DSC2: variants seen among roughly 807,000 people sequenced by gnomAD.
DSC2 encodes the protein desmocollin-2.
Under a neutral mutation model 87.6 loss-of-function variants are expected in DSC2, and 51 were observed. That is an observed-to-expected ratio of 0.58 (90% CI 0.46 to 0.74). The LOEUF (loss-of-function observed/expected upper bound fraction) is 0.74, where lower values mean the gene tolerates loss of function less well. Among genes scored for constraint, DSC2 ranks in the 30% least tolerant of loss-of-function variants. DSC2 has a pLI of 0.00. For synonymous variants in DSC2, 383 were observed against 393.2 expected (o/e 0.97, Z 0.31); for missense variants, 1,066 against 1,089.5 (o/e 0.98, Z 0.30).
At chr18:31,094,695 T>C (rs1361933491) in intron 1 of DSC2, among the ~76,000 whole-genome samples, 2 of 152,348 alleles carry the variant, frequency 1.3e-5, no homozygotes, top group African/African-American at 4.8e-5. Context: ...TTTTAATATA[T>C]ATTAAAGACT....
At chr18:31,087,120 G>C (rs1987425810) in intron 6 of DSC2, among the ~76,000 whole-genome samples, 1 of 152,122 alleles carries the variant, frequency 6.6e-6, no homozygotes, top group African/African-American at 2.4e-5. Context: ...GGTTCACTTA[G>C]ACATTTCTAG....
In DSC2 at chr18:31,093,471, T is replaced by C. The variant is rs939801219; in HGVS notation, c.154+88A>G. The C allele has an allele frequency of 5.0e-6, 5 of 997,974 alleles. No homozygotes were observed. The African/African-American group carries it at 8.1e-5, about 16-fold the overall frequency. 61.8% of individuals were successfully genotyped at this position (997,974 alleles called of 1,614,324 possible). A position where few individuals can be genotyped will look rare whatever the true frequency, so the allele number is the denominator to read the frequency against. ...CACATCCCTTCCAAGGGACAAGATC[T>C]CGTTCCTTTTTATGGCTGTGTAGTA... On this transcript the variant is annotated intron_variant, in intron 2 of 15. Coordinates refer to ENST00000280904, the MANE Select transcript of DSC2 (RefSeq NM_024422.6).
intron 5 of DSC2, among the ~76,000 whole-genome samples, chr18:31,088,703 G>A (rs180737452): frequency 1.3e-5 from 2 of 152,170 alleles, no homozygotes; most frequent in Admixed American, 1.3e-4. Context: ...ATGATTAAAG[G>A]ACTGAGTAAG....
chr18:31,091,990 C>T (rs1252749466), intron 3 of DSC2, 111 bp downstream of exon 3: 18 of 1,141,752 alleles, frequency 1.6e-5, no homozygotes, highest in East Asian at 2.5e-5. Context: ...GGTTTTCATT[C>T]GTCTTTAAGC....
intron 2 of DSC2, among the ~76,000 whole-genome samples, chr18:31,092,589 C>A (rs1262923729): frequency 2.0e-5 from 3 of 152,078 alleles, no homozygotes; most frequent in African/African-American, 4.8e-5. Context: ...CAATTTTTTT[C>A]TTTATCAACA....
chr18:31,069,060 T>C lies in DSC2; in HGVS notation c.2342A>G (p.Gln781Arg), dbSNP rs1244664122. 6.2e-7 allele frequency: 1 copy of C among 1,614,068 alleles called. No individual in the cohort carries two copies. Residue 781 changes from glutamine to arginine, a missense_variant, in exon 15 of 16, where the codon CAG becomes CGG. Gln to Arg is a conservative substitution (Grantham distance 43). Coordinates refer to ENST00000280904, the MANE Select transcript of DSC2 (RefSeq NM_024422.6). ...TVGSGIKNGG[Q>R]ETIEMVKGGH... Reference sequence around the variant, plus strand: ...TCCTTTCACCATTTCGATGGTCTCCTGACCTCCGTTTTTGATTCCTGATCC... The same window carrying C: ...TCCTTTCACCATTTCGATGGTCTCCCGACCTCCGTTTTTGATTCCTGATCC...
At chr18:31,093,998 A>T (rs1987689697) in intron 1 of DSC2, among the ~76,000 whole-genome samples, 1 of 152,092 alleles carries the variant, frequency 6.6e-6, no homozygotes, top group African/African-American at 2.4e-5. Flanking sequence ...TCCTCCTGCA[A>T]AAAGCTTGTA....
rs1987255330 is a variant in DSC2, at chr18:31,082,424, C to T, written c.1078-1G>A. The T allele has an allele frequency of 6.2e-7, 1 of 1,612,730 alleles. No homozygotes were observed. ...TATTTTCTTCCACTGATGTCACATACTAAAATAATAAAAGCAAACAAAAAA... is the reference window on the plus strand; with the variant it reads ...TATTTTCTTCCACTGATGTCACATATTAAAATAATAAAAGCAAACAAAAAA... On this transcript the variant is annotated splice_acceptor_variant, in intron 8 of 15. Coordinates refer to ENST00000280904, the MANE Select transcript of DSC2 (RefSeq NM_024422.6). LOFTEE classifies it high-confidence loss of function.
intron 1 of DSC2, among the ~76,000 whole-genome samples, chr18:31,094,454 G>C (rs910988432): frequency 6.6e-6 from 1 of 152,142 alleles, no homozygotes; most frequent in Non-Finnish European, 1.5e-5. Context: ...CAATGGTTTA[G>C]TGATTCATGG....
At position 31,067,291 on chromosome 18, in the gene DSC2, A is replaced by C. The variant is rs1458360800; in HGVS notation, c.*724T>G. 2 of 151,780 alleles carry C rather than the reference A, an allele frequency of 1.3e-5. No individual in the cohort carries two copies. The highest frequency in any genetic ancestry group is 2.4e-5 in the African/African-American group (1 of 41,390). The allele number at this position is 151,780 out of a possible 1,614,324, so 9.4% of individuals were successfully genotyped here. A position where few individuals can be genotyped will look rare whatever the true frequency, so the allele number is the denominator to read the frequency against. ...ACTGGAGAGAGAAACAGAAAGAGAC[A>C]GAGAGAAAGAGAGAGATGCTACTTG... On this transcript the variant is annotated 3_prime_UTR_variant, in exon 16 of 16. Transcript: ENST00000280904.
intron 1 of DSC2, chr18:31,101,102 G>A: frequency 3.7e-6 from 3 of 802,130 alleles, no homozygotes; most frequent in Non-Finnish European, 4.5e-6. Flanking sequence ...CGGGTGGTGA[G>A]CAGAAAAATC....
intron 9 of DSC2, among the ~76,000 whole-genome samples, chr18:31,081,813 T>C (rs779880780): frequency 1.3e-5 from 2 of 152,172 alleles, no homozygotes; most frequent in East Asian, 3.8e-4. Flanking sequence ...GGATGTAATA[T>C]ATACTGAATA....
At position 31,100,330 on chromosome 18, in the gene DSC2, C is replaced by T. The variant is rs1035422257; in HGVS notation, c.69+1573G>A. On this transcript the variant is annotated intron_variant, in intron 1 of 15. Transcript: ENST00000280904. ...GATAACACACAGAAAGCTCTCTCTGCAGGTATATGCAGAGCAATGCCACGC... is the reference window on the plus strand; with the variant it reads ...GATAACACACAGAAAGCTCTCTCTGTAGGTATATGCAGAGCAATGCCACGC... Among the ~76,000 whole-genome samples the T allele has an allele frequency of 2.0e-5, 3 of 152,342 alleles. No homozygotes were observed. The East Asian group carries it at 5.8e-4, about 29-fold the overall frequency.
Position 31,067,646 on chromosome 18 carries a change from G to GTC in DSC2, c.*367_*368dup, listed in dbSNP as rs2144779534. The stretch of plus-strand genomic sequence containing the variant: ...TAACTGGAGATAATGTTAAAGCAAG[G>GTC]TCTCTACAATTTTCCATTAGGTTGT... On this transcript the variant is annotated 3_prime_UTR_variant, in exon 16 of 16. Transcript: ENST00000280904. The GTC allele has an allele frequency of 4.4e-6, 1 of 228,666 alleles. No individual in the cohort carries two copies. The highest frequency in any genetic ancestry group is 2.4e-5 in the African/African-American group (1 of 42,448). 14.2% of individuals were successfully genotyped at this position (228,666 alleles called of 1,614,324 possible). A position where few individuals can be genotyped will look rare whatever the true frequency, so the allele number is the denominator to read the frequency against.
intron 14 of DSC2, 45 bp from the exon 15 acceptor site, chr18:31,069,196 A>G: frequency 1.9e-6 from 3 of 1,612,404 alleles, no homozygotes; most frequent in Non-Finnish European, 2.5e-6. Context: ...AGAGAGGAAC[A>G]CAAAATTATG....
chr18:31,098,294 C>CT (rs1408514459), intron 1 of DSC2, among the ~76,000 whole-genome samples: 1 of 151,940 alleles, frequency 6.6e-6, no homozygotes, highest in African/African-American at 2.4e-5. Context: ...ACATTTAAAT[C>CT]TTTCATCTCT....
rs1200137171 is a variant in DSC2, at chr18:31,082,509, T to C, written c.1078-86A>G. 25 of 1,197,260 alleles carry C rather than the reference T, an allele frequency of 2.1e-5. No homozygotes were observed. The South Asian group carries it at 3.1e-4, about 15-fold the overall frequency. The allele number at this position is 1,197,260 out of a possible 1,614,324, so 74.2% of individuals were successfully genotyped here. ...TGTGAAGTAAATCCTACTCTTCTAA[T>C]TTCCAAAGTACTATGTTTACATGAT... On this transcript the variant is annotated intron_variant, in intron 8 of 15. Transcript: ENST00000280904.
intron 7 of DSC2, among the ~76,000 whole-genome samples, chr18:31,083,552 A>C (rs1987302839): frequency 1.3e-5 from 2 of 152,218 alleles, no homozygotes; most frequent in Non-Finnish European, 2.9e-5. Context: ...TTATGTTCAA[A>C]AAAATAGACA....
Position 31,087,708 on chromosome 18 carries a change from CT to C in DSC2, c.735del (p.Glu246LysfsTer35). The C allele has an allele frequency of 2.5e-6, 4 of 1,613,542 alleles. No homozygotes were observed. Among genetic ancestry groups the C allele is most frequent in the Non-Finnish European group, 3.4e-6 (4 of 1,179,860 alleles). ...DENDNYPIFTEETYTFTIFEN... is the reference protein window; with the variant it reads ...DENDNYPIFTXETYTFTIFEN... Reference sequence around the variant, plus strand: ...TCAAAAATTGTAAAAGTATAAGTTTCTTCTGTAAAAATTGGGTAGTTATCAT... The same window carrying C: ...TCAAAAATTGTAAAAGTATAAGTTTCTCTGTAAAAATTGGGTAGTTATCAT... On this transcript the variant is annotated frameshift_variant, in exon 6 of 16. Coordinates refer to ENST00000280904, the MANE Select transcript of DSC2 (RefSeq NM_024422.6). LOFTEE classifies it high-confidence loss of function.
Sources: allele counts gnomAD v4.1 joint callset (sites outside exome capture counted in the v4.1 genomes callset), GRCh38; gene constraint gnomAD v4.1.1; transcripts MANE v1.5; gene names NCBI Gene and HGNC (gene_info 2026-07-23, HGNC 2026-07-21).